The following RUBCNL variants were observed in gnomAD, a reference collection of about 807,000 sequenced individuals.
RUBCNL encodes the protein protein associated with UVRAG as autophagy enhancer.
A neutral mutation model predicts 69.5 loss-of-function variants in RUBCNL; 62 were observed. The ratio of observed to expected loss-of-function variants is 0.89; its 90% CI spans 0.73 to 1.10. The LOEUF is 1.10. Ranked by LOEUF, RUBCNL falls within the 50% of genes least tolerant of loss-of-function variation. The pLI, the probability that RUBCNL is intolerant of heterozygous loss-of-function variation, is 0.00. For missense variants in RUBCNL, 768 were observed against 798.1 expected, an observed-to-expected ratio of 0.96 and a Z score of 0.45; for synonymous variants, 291 against 303.6, an observed-to-expected ratio of 0.96 and a Z score of 0.43.
chr13:46,337,196 A>T lies in RUBCNL; in HGVS notation c.*6189T>A, dbSNP rs1244169549. Among the ~76,000 whole-genome samples the T allele has an allele frequency of 6.6e-6, 1 of 152,062 alleles. No homozygotes were observed. Among genetic ancestry groups the T allele is most frequent in the African/African-American group, 2.4e-5 (1 of 41,392 alleles). On this transcript the variant is annotated 3_prime_UTR_variant, in exon 15 of 15. Transcript: ENST00000429979. ...TCTCACTCTGTTGTCAGGCTGGAGT[A>T]CAGTGGCGTGATCTCAGCTCACCGC...
chr13:46,357,209 T>A (rs554147304), intron 9 of RUBCNL, among the ~76,000 whole-genome samples: 3 of 151,548 alleles, frequency 2.0e-5, no homozygotes, highest in African/African-American at 7.3e-5. Context: ...GGTGGACACC[T>A]GTGGTCCCAG....
At chr13:46,355,690 T>C (rs1720954932) in intron 10 of RUBCNL, among the ~76,000 whole-genome samples, 1 of 152,218 alleles carries the variant, frequency 6.6e-6, no homozygotes, top group Non-Finnish European at 1.5e-5. Flanking sequence ...GCTAGCTCCT[T>C]GTTAAGCCAT....
In RUBCNL at chr13:46,337,728, A is replaced by G. The variant is rs2048113088; in HGVS notation, c.*5657T>C. On this transcript the variant is annotated 3_prime_UTR_variant, in exon 15 of 15. Transcript: ENST00000429979. ...TATCAGGACATCTTATGTTAGTCAG[A>G]GTAGGGTGGGTTACACTGTAGGAAC... Among the ~76,000 whole-genome samples, 1 of 152,206 alleles carries G rather than the reference A, an allele frequency of 6.6e-6. No homozygotes were observed. The highest frequency in any genetic ancestry group is 2.4e-5 in the African/African-American group (1 of 41,458).
At chr13:46,344,645 T>G (rs2048205268) in intron 14 of RUBCNL, 96 bp downstream of exon 14, 1 of 779,446 alleles carries the variant, frequency 1.3e-6, no homozygotes, top group African/African-American at 1.7e-5. Context: ...ATTATTAAGC[T>G]ATTATTCAGC....
chr13:46,358,239 C>T (rs1288904077), intron 9 of RUBCNL, among the ~76,000 whole-genome samples: 8 of 152,194 alleles, frequency 5.3e-5, no homozygotes, highest in Non-Finnish European at 7.3e-5. Context: ...AAGGCACCTC[C>T]GTGGGGCAGA....
upstream of RUBCNL, chr13:46,387,470 T>G (rs2049278900): frequency 1.0e-6 from 1 of 985,474 alleles, no homozygotes; most frequent in African/African-American, 1.7e-5. Context: ...CACGCACCTA[T>G]GCGCGCCTCT....
At chr13:46,370,787 G>T (rs1404307123) in intron 3 of RUBCNL, among the ~76,000 whole-genome samples, 1 of 152,068 alleles carries the variant, frequency 6.6e-6, no homozygotes, top group African/African-American at 2.4e-5. Context: ...CATTATGGTG[G>T]TTCTCTGTTG....
intron 8 of RUBCNL, among the ~76,000 whole-genome samples, chr13:46,360,849 C>G (rs551824942): frequency 6.6e-6 from 1 of 152,178 alleles, no homozygotes; most frequent in Non-Finnish European, 1.5e-5. Context: ...AGCTGACCAG[C>G]CCTGCTGGGA....
chr13:46,374,932 T>G (rs2048956795), intron 2 of RUBCNL, among the ~76,000 whole-genome samples: 1 of 152,214 alleles, frequency 6.6e-6, no homozygotes, highest in Non-Finnish European at 1.5e-5. Context: ...AATGCCTTGA[T>G]TTATAAATTA....
At position 46,355,063 on chromosome 13, in the gene RUBCNL, T is replaced by C. The variant is rs745761948; in HGVS notation, c.1330+1369A>G. On this transcript the variant is annotated intron_variant, in intron 10 of 14. Transcript: ENST00000429979. ...GCCCGTCAGGCATTATCATCCAGTG[T>C]AGGAGAGGAAGCCCAGATCGATTCC... Among the ~76,000 whole-genome samples, 8 of 152,206 alleles carry C rather than the reference T, an allele frequency of 5.3e-5. No homozygotes were observed. The East Asian group carries it at 1.2e-3, about 22-fold the overall frequency.
At position 46,354,938 on chromosome 13, in the gene RUBCNL, A is replaced by G; in HGVS notation, c.1330+1494T>C. The G allele has an allele frequency of 1.4e-5, 6 of 434,548 alleles. No individual in the cohort carries two copies. In the Admixed American group the frequency reaches 1.5e-4, roughly 11 times the overall value. The allele number at this position is 434,548 out of a possible 1,614,324, so 26.9% of individuals were successfully genotyped here. A position where few individuals can be genotyped will look rare whatever the true frequency, so the allele number is the denominator to read the frequency against. ...TTTCTGACTCATGCATTCAATATTT[A>G]CAGAAGCGCCAGGATACAGTGGTTA... On this transcript the variant is annotated intron_variant, in intron 10 of 14. Transcript: ENST00000429979.
chr13:46,343,155 T>C lies in RUBCNL; in HGVS notation c.*230A>G, dbSNP rs2138661277. 3.1e-6 allele frequency: 2 copies of C among 654,052 alleles called. No homozygotes were observed. Among genetic ancestry groups the C allele is most frequent in the South Asian group, 2.8e-5 (1 of 36,350 alleles). 40.5% of individuals were successfully genotyped at this position (654,052 alleles called of 1,614,324 possible). On this transcript the variant is annotated 3_prime_UTR_variant, in exon 15 of 15. Transcript: ENST00000429979. ...ATAAAAAACCTCTTTAAAAAACCAA[T>C]AGCAGCCAAAACAGAACATTTGTAA...
chr13:46,345,513 T>C lies in RUBCNL; in HGVS notation c.1719A>G (p.Lys573=). ...CCTTGAGTAAGGGTGCCAGCAGCCC[T>C]TTCTTGATCCTGACCAGGTCCTCAA... ...FSLEDLVRIK[K]GLLAPLLKDI... The change falls in exon 13 of 15, where the codon AAA becomes AAG. Residue 573 remains lysine, a synonymous_variant. Transcript: ENST00000429979. 1.2e-6 allele frequency: 2 copies of C among 1,610,028 alleles called. No homozygotes were observed. The highest frequency in any genetic ancestry group is 1.7e-6 in the Non-Finnish European group (2 of 1,178,156).
chr13:46,375,987 T>C (rs567182643), intron 2 of RUBCNL, among the ~76,000 whole-genome samples: 1 of 152,354 alleles, frequency 6.6e-6, no homozygotes, highest in Non-Finnish European at 1.5e-5. Context: ...TAATGATCTA[T>C]TTCCACTTAA....
chr13:46,354,710 C>T (rs4942515), intron 10 of RUBCNL: 28,328 of 447,556 alleles, frequency 0.063, 2,699 homozygotes, highest in East Asian at 0.34. Flanking sequence ...GTAAATCCCA[C>T]GGCACTCTTG....
rs368540256 is a variant in RUBCNL at position 46,350,199 on chromosome 13, C to G, written c.1483G>C (p.Asp495His). 1 of 1,591,844 alleles carries G rather than the reference C, an allele frequency of 6.3e-7. No homozygotes were observed. The highest frequency in any genetic ancestry group is 1.1e-5 in the South Asian group (1 of 87,374). The change falls in exon 11 of 15, where the codon GAC (aspartate) becomes CAC (histidine). Residue 495 changes from aspartate (D) to histidine (H), a missense_variant. Transcript: ENST00000429979. ...AAAATGGGCTGGTGCCATATGCTGT[C>G]GAGCAGCTGTTTGGAGAAATTGCTG... is the stretch of plus-strand genomic sequence containing the variant. ...YVSNFSKQLLDSIWHQPIFNL... is the reference protein window; with the variant it reads ...YVSNFSKQLLHSIWHQPIFNL...
At chr13:46,380,699 TATAAGA>T (rs2049098476) in intron 1 of RUBCNL, among the ~76,000 whole-genome samples, 1 of 152,236 alleles carries the variant, frequency 6.6e-6, no homozygotes, top group African/African-American at 2.4e-5. Flanking sequence ...ACAGATCTAA[TATAAGA>T]ATATTAATTT....
At chr13:46,346,541 T>G (rs942266431) in intron 12 of RUBCNL, among the ~76,000 whole-genome samples, 5 of 152,196 alleles carry the variant, frequency 3.3e-5, no homozygotes, top group African/African-American at 1.2e-4. Flanking sequence ...CTACTAATTT[T>G]TTTTATCTGA....
At chr13:46,361,366 G>A in intron 8 of RUBCNL, 75 bp downstream of exon 8, 2 of 1,518,264 alleles carry the variant, frequency 1.3e-6, no homozygotes, top group Non-Finnish European at 1.8e-6. Context: ...AAAGACAAAT[G>A]TTTAAAGTGA....
Sources: allele counts gnomAD v4.1 joint callset (sites outside exome capture counted in the v4.1 genomes callset), GRCh38; gene constraint gnomAD v4.1.1; transcripts MANE v1.5; gene names NCBI Gene and HGNC (gene_info 2026-07-23, HGNC 2026-07-21).